Variants in DNHD1 observed in about 807,000 individuals in gnomAD.
DNHD1 encodes the protein dynein heavy chain domain 1.
A neutral mutation model predicts 458.1 loss-of-function variants in DNHD1; 383 were observed. The observed-to-expected ratio is 0.84, with a 90% confidence interval of 0.77 to 0.91. DNHD1 has a LOEUF of 0.91. DNHD1 is among the 40% of genes least tolerant of loss of function. DNHD1 has a pLI of 0.00. For synonymous variants in DNHD1, 2,203 were observed against 2,376.9 expected, an observed-to-expected ratio of 0.93 and a Z score of 2.13; for missense variants, 5,336 against 5,866.1, an observed-to-expected ratio of 0.91 and a Z score of 2.95.
intron 24 of DNHD1, among the ~76,000 whole-genome samples, chr11:6,555,875 G>GATGAAAGT (rs1158554384): frequency 6.6e-6 from 1 of 152,060 alleles, no homozygotes; most frequent in African/African-American, 2.4e-5. Flanking sequence ...TCATTGGGGT[G>GATGAAAGT]GTGATGACAC....
intron 18 of DNHD1, among the ~76,000 whole-genome samples, chr11:6,543,741 C>T (rs1439690236): frequency 6.6e-6 from 1 of 151,954 alleles, no homozygotes; most frequent in African/African-American, 2.4e-5. Context: ...GGGTGGATCA[C>T]CTGAGGTTGG....
rs764725469 is a variant in DNHD1 at position 6,508,966 on chromosome 11, C to T, written c.1007C>T (p.Pro336Leu). ...FSPFGILHVH[P>L]VEGSETMTLG... ...CCCTTTGGGATCTTGCATGTACATC[C>T]TGTGGAAGGTAGCGAGACGATGACA... Residue 336 changes from proline (P) to leucine (L), a missense_variant, in exon 5 of 43, where the codon CCT becomes CTT. This residue lies in a region of DNHD1 where 3,932 missense variants were observed against 4,365.6 expected (regional missense o/e 0.90). Coordinates refer to ENST00000254579, the MANE Select transcript of DNHD1 (RefSeq NM_144666.3). 1.9e-6 allele frequency: 3 copies of T among 1,614,060 alleles called. No homozygotes were observed. The highest frequency in any genetic ancestry group is 2.5e-6 in the Non-Finnish European group (3 of 1,180,046).
At position 6,547,358 on chromosome 11, in the gene DNHD1, G is replaced by A; in HGVS notation, c.6419G>A (p.Gly2140Asp). The A allele has an allele frequency of 1.9e-6, 3 of 1,551,754 alleles. No homozygotes were observed. The highest frequency in any genetic ancestry group is 1.7e-6 in the Non-Finnish European group (2 of 1,147,002). ...ACAGGCATATCCCCCACAGTGGTAG[G>A]CTGTTGTGCCCTAGTCTGGTGTGGT... ...DTTGISPTVV[G>D]CCALVWCGGE... Residue 2140 changes from glycine (G) to aspartate (D), a missense_variant, in exon 21 of 43, where the codon GGC becomes GAC. By Grantham distance (94) the Gly-to-Asp change is moderately conservative. Around this residue, in one of 4 missense-constraint regions of DNHD1, gnomAD observed 3,932 missense variants for 4,365.6 expected, o/e 0.90. Transcript: ENST00000254579.
chr11:6,551,806 TG>T (rs1051218299), intron 24 of DNHD1, among the ~76,000 whole-genome samples: 2 of 152,128 alleles, frequency 1.3e-5, no homozygotes, highest in African/African-American at 4.8e-5. Flanking sequence ...CTGGGCATGG[TG>T]GCATGTACCT....
At position 6,544,688 on chromosome 11, in the gene DNHD1, A is replaced by G. The variant is rs574559581; in HGVS notation, c.3852+17A>G. 5 of 1,549,656 alleles carry G rather than the reference A, an allele frequency of 3.2e-6. No individual in the cohort carries two copies. The South Asian group carries it at 6.0e-5, about 18-fold the overall frequency. On this transcript the variant is annotated intron_variant, in intron 20 of 42. Transcript: ENST00000254579. ...GCTGACCTGGTAGGGAAGGGGGTTG[A>G]GGCAGAGAGGGCAAGAAGGGTTCCT...
intron 14 of DNHD1, among the ~76,000 whole-genome samples, chr11:6,534,721 C>T (rs1852907435): frequency 6.6e-6 from 1 of 152,150 alleles, no homozygotes; most frequent in Non-Finnish European, 1.5e-5. Flanking sequence ...TCTTAAAGAA[C>T]TCTGTGGGCT....
At position 6,536,480 on chromosome 11, in the gene DNHD1, G is replaced by A. The variant is rs1228777047; in HGVS notation, c.2999-1903G>A. Among the ~76,000 whole-genome samples, 3 of 152,078 alleles carry A rather than the reference G, an allele frequency of 2.0e-5. No homozygotes were observed. The East Asian group carries it at 5.8e-4, about 29-fold the overall frequency. On this transcript the variant is annotated intron_variant, in intron 14 of 42. Coordinates refer to ENST00000254579, the MANE Select transcript of DNHD1 (RefSeq NM_144666.3). ...CTTAAATAGTTCAGAAAAAAAAATT[G>A]TGTGTGTGTATATGTGCATACACAT...
In DNHD1 at chr11:6,548,300, T is replaced by A; in HGVS notation, c.6996T>A (p.Asp2332Glu). Residue 2332 changes from aspartate to glutamate, a missense_variant, in exon 23 of 43, where the codon GAT becomes GAA. Around this residue, in one of 4 missense-constraint regions of DNHD1, gnomAD observed 3,932 missense variants for 4,365.6 expected, o/e 0.90. Transcript: ENST00000254579. This position sits in a 1 kb window ranked among gnomAD's most constrained non-coding sequence, Gnocchi z 4.4. ...PEPPPSALVF[D>E]LHVSPEDGTL... ...CACCACCCTCAGCCTTGGTGTTTGATCTACATGTAAGCCCTGAAGATGGAA... is the reference window on the plus strand; with the variant it reads ...CACCACCCTCAGCCTTGGTGTTTGAACTACATGTAAGCCCTGAAGATGGAA... 4 of 1,551,724 alleles carry A rather than the reference T, an allele frequency of 2.6e-6. No homozygotes were observed. Among genetic ancestry groups the A allele is most frequent in the Non-Finnish European group, 3.5e-6 (4 of 1,147,000 alleles).
chr11:6,498,192 C>A lies in DNHD1; in HGVS notation c.-24C>A, dbSNP rs1187922616. The stretch of plus-strand genomic sequence containing the variant: ...TGAGCTATGGGCAAGGTCACTTCGA[C>A]AGCAGTTGAATGCCCAGCTCCTCAT... On this transcript the variant is annotated 5_prime_UTR_variant, in exon 3 of 43. Transcript: ENST00000254579. 46 of 1,594,818 alleles carry A rather than the reference C, an allele frequency of 2.9e-5. No individual in the cohort carries two copies. Among genetic ancestry groups the A allele is most frequent in the Non-Finnish European group, 3.8e-5 (44 of 1,168,770 alleles).
rs540391090 is a variant in DNHD1 at position 6,545,560 on chromosome 11, C to T, written c.4621C>T (p.Arg1541Cys). 15 of 1,552,056 alleles carry T rather than the reference C, an allele frequency of 9.7e-6. No individual in the cohort carries two copies. The highest frequency in any genetic ancestry group is 2.0e-5 in the Admixed American group (1 of 51,012). ...CCTGGCCATGGTCTCCATGCATATGCGCAAGCTTGAGGTACTGGTGAATTT... is the reference window on the plus strand; with the variant it reads ...CCTGGCCATGGTCTCCATGCATATGTGCAAGCTTGAGGTACTGGTGAATTT... ...GTLAMVSMHMRKLEVLVNFMR... is the reference protein window; with the variant it reads ...GTLAMVSMHMCKLEVLVNFMR... The change falls in exon 21 of 43, where the codon CGC becomes TGC. Residue 1541 changes from arginine (R) to cysteine (C), a missense_variant. Physicochemically the swap from Arg to Cys is radical, Grantham distance 180 (BLOSUM62 -3). Coordinates refer to ENST00000254579, the MANE Select transcript of DNHD1 (RefSeq NM_144666.3). This position sits in a 1 kb window ranked among gnomAD's most constrained non-coding sequence, Gnocchi z 4.9.
In DNHD1 at chr11:6,539,986, C is replaced by T; in HGVS notation, c.3531C>T (p.Pro1177=). The T allele has an allele frequency of 1.9e-6, 3 of 1,551,758 alleles. No homozygotes were observed. The highest frequency in any genetic ancestry group is 2.6e-6 in the Non-Finnish European group (3 of 1,146,986). ...TGCTCAACTTCATCCTGCATGTACCCTACGAGCCCCCAGCCTCAGAGCGCT... is the reference window on the plus strand; with the variant it reads ...TGCTCAACTTCATCCTGCATGTACCTTACGAGCCCCCAGCCTCAGAGCGCT... ...LRLLNFILHV[P]YEPPASERSK... is the part of the protein sequence containing the mutation. Residue 1177 remains proline, a synonymous_variant, in exon 18 of 43, where the codon CCC becomes CCT. Coordinates refer to ENST00000254579, the MANE Select transcript of DNHD1 (RefSeq NM_144666.3).
chr11:6,531,478 A>G (rs1040846651), intron 12 of DNHD1, among the ~76,000 whole-genome samples: 7 of 152,160 alleles, frequency 4.6e-5, no homozygotes, highest in Non-Finnish European at 7.4e-5. Context: ...TTGAGCTCCC[A>G]TCTGCCTTCA....
In DNHD1 at chr11:6,502,938, T is replaced by C. The variant is rs199955024; in HGVS notation, c.920+12T>C. The C allele has an allele frequency of 8.7e-6, 14 of 1,609,500 alleles. No individual in the cohort carries two copies. The East Asian group carries it at 2.0e-4, about 23-fold the overall frequency. ...AGCCGGTACTTTAGGTGATAGCCTA[T>C]GTCCAGGCCCCTTCTCCTCCCCCTG... On this transcript the variant is annotated intron_variant, in intron 4 of 42. Coordinates refer to ENST00000254579, the MANE Select transcript of DNHD1 (RefSeq NM_144666.3).
chr11:6,548,586 C>G lies in DNHD1; in HGVS notation c.7099-59C>G. On this transcript the variant is annotated intron_variant, in intron 23 of 42. Transcript: ENST00000254579. This position sits in a 1 kb window ranked among gnomAD's most constrained non-coding sequence, Gnocchi z 4.4. ...GACAAGTCCCTTAGACTTTTATTTTCAGCTAGATTACTGTCTTATACTGGA... is the reference window on the plus strand; with the variant it reads ...GACAAGTCCCTTAGACTTTTATTTTGAGCTAGATTACTGTCTTATACTGGA... 8 of 1,534,152 alleles carry G rather than the reference C, an allele frequency of 5.2e-6. No individual in the cohort carries two copies. In the South Asian group the frequency reaches 9.6e-5, roughly 18 times the overall value.
intron 7 of DNHD1, among the ~76,000 whole-genome samples, chr11:6,514,169 T>C (rs1852407224): frequency 6.6e-6 from 1 of 152,080 alleles, no homozygotes; most frequent in Admixed American, 6.6e-5. Context: ...AGTGGTGTGA[T>C]CTCAGCTCAC....
intron 28 of DNHD1, 33 bp from the exon 29 acceptor site, chr11:6,562,949 C>G: frequency 6.5e-7 from 1 of 1,544,772 alleles, no homozygotes; most frequent in Non-Finnish European, 8.8e-7. Flanking sequence ...GGCCCAAGAT[C>G]TGGAGCTGCA....
rs1018473519 is a variant in DNHD1 at position 6,558,224 on chromosome 11, C to A, written c.8929C>A (p.Arg2977Ser). The A allele has an allele frequency of 6.4e-7, 1 of 1,551,690 alleles. No homozygotes were observed. Residue 2977 changes from arginine (R) to serine (S), a missense_variant, in exon 25 of 43, where the codon CGC becomes AGC. By Grantham distance (110) the Arg-to-Ser change is moderately radical (BLOSUM62 -1). Around this residue, in one of 4 missense-constraint regions of DNHD1, gnomAD observed 3,932 missense variants for 4,365.6 expected, o/e 0.90. Transcript: ENST00000254579. ...CCAGTACACAGAAGCAGATTTGGAC[C>A]GCATTGGAGAACACCTCCCCAGGGA... ...PGQYTEADLD[R>S]IGEHLPRENL...
chr11:6,509,076 T>C lies in DNHD1; in HGVS notation c.1117T>C (p.Phe373Leu). 6.2e-7 allele frequency: 1 copy of C among 1,614,182 alleles called. No homozygotes were observed. The highest frequency in any genetic ancestry group is 8.5e-7 in the Non-Finnish European group (1 of 1,179,988). The change falls in exon 5 of 43, where the codon TTT becomes CTT. Residue 373 changes from phenylalanine to leucine, a missense_variant. This residue lies in a region of DNHD1 where 3,932 missense variants were observed against 4,365.6 expected (regional missense o/e 0.90). Transcript: ENST00000254579. ...FFKYCLLRKS[F>L]TCWKKNVRLQ... is the part of the protein sequence containing the mutation. ...TAAGTATTGCCTCTTACGCAAGTCC[T>C]TTACCTGGTAGGTAATGACGGATAT...
Position 6,565,857 on chromosome 11 carries a change from A to C in DNHD1, c.10919A>C (p.Lys3640Thr). The C allele has an allele frequency of 1.3e-6, 2 of 1,551,678 alleles. No individual in the cohort carries two copies. The highest frequency in any genetic ancestry group is 1.7e-6 in the Non-Finnish European group (2 of 1,146,992). ...AAAGAGCAAGAGGAAAATGAAGAGA[A>C]AGAGGAGGAGAAGACAGAGAGCCAG... ...QEKEQEENEE[K>T]EEEKTESQGS... The change falls in exon 33 of 43, where the codon AAA (lysine) becomes ACA (threonine). Residue 3640 changes from lysine to threonine, a missense_variant. Physicochemically the swap from Lys to Thr is moderately conservative, Grantham distance 78 (BLOSUM62 -1). Coordinates refer to ENST00000254579, the MANE Select transcript of DNHD1 (RefSeq NM_144666.3).
Sources: allele counts gnomAD v4.1 joint callset (sites outside exome capture counted in the v4.1 genomes callset), GRCh38; gene constraint gnomAD v4.1.1; regional missense constraint gnomAD v4.1.1; non-coding constraint Gnocchi (gnomAD v3.1); transcripts MANE v1.5; gene names NCBI Gene and HGNC (gene_info 2026-07-23, HGNC 2026-07-21).